The following ZNF83 variants were observed in gnomAD, a reference collection of about 807,000 sequenced individuals.
ZNF83 encodes the protein zinc finger protein 816B.
For missense variants in ZNF83, 552 were observed against 629.9 expected (o/e 0.88, Z 1.32); for synonymous variants, 209 against 213.0 (o/e 0.98, Z 0.17).
At chr19:52,657,938 A>G (rs1357057806) in intron 2 of ZNF83, among the ~76,000 whole-genome samples, 3 of 152,012 alleles carry the variant, frequency 2.0e-5, no homozygotes, top group Non-Finnish European at 4.4e-5. Context: ...GTAGCTCAAG[A>G]CCAGCCTGAT....
intron 2 of ZNF83, among the ~76,000 whole-genome samples, chr19:52,616,014 T>G (rs953892356): frequency 6.6e-6 from 1 of 152,150 alleles, no homozygotes; most frequent in African/African-American, 2.4e-5. Flanking sequence ...AACTTTTGTA[T>G]TTTAATAGAG....
At chr19:52,639,647 A>T (rs897179342), upstream of ZNF83, among the ~76,000 whole-genome samples, 1 of 151,730 alleles carries the variant, frequency 6.6e-6, no homozygotes, top group Non-Finnish European at 1.5e-5. Flanking sequence ...CGAACTTCTG[A>T]CTTCAAGTGA....
At chr19:52,649,455 T>A (rs1227953011) in intron 3 of ZNF83, among the ~76,000 whole-genome samples, 8 of 152,154 alleles carry the variant, frequency 5.3e-5, no homozygotes, top group Non-Finnish European at 1.2e-4. Context: ...CGTAAATACC[T>A]ATCCAGCCAA....
chr19:52,671,996 G>A (rs1250805497), intron 1 of ZNF83, among the ~76,000 whole-genome samples: 3 of 152,128 alleles, frequency 2.0e-5, no homozygotes, highest in South Asian at 4.1e-4. Context: ...ACTTTGGGAG[G>A]TCGAGGCAGG....
At chr19:52,619,034 A>G (rs777205427) in intron 2 of ZNF83, 24 of 1,608,756 alleles carry the variant, frequency 1.5e-5, no homozygotes, top group East Asian at 4.5e-5. Context: ...AGAGAATTCT[A>G]TGGCCACATC....
intron 1 of ZNF83, among the ~76,000 whole-genome samples, chr19:52,685,400 A>T (rs928830186): frequency 7.9e-5 from 12 of 152,114 alleles, no homozygotes; most frequent in African/African-American, 2.7e-4. Flanking sequence ...AAAATTACAG[A>T]AGCATCTTTC....
chr19:52,646,899 G>A (rs547655404), intron 3 of ZNF83, among the ~76,000 whole-genome samples: 1 of 152,336 alleles, frequency 6.6e-6, no homozygotes, highest in Non-Finnish European at 1.5e-5. Context: ...CAAGGCAGCA[G>A]TTATGGTATA....
At chr19:52,631,147 C>T (rs185217263) in intron 2 of ZNF83, among the ~76,000 whole-genome samples, 3 of 147,522 alleles carry the variant, frequency 2.0e-5, no homozygotes, top group African/African-American at 7.5e-5. Context: ...CAAGGCTTCA[C>T]AGACAGCCCC....
exon 3 of ZNF83, chr19:52,614,067 C>T: frequency 6.2e-7 from 1 of 1,611,606 alleles, no homozygotes; most frequent in Non-Finnish European, 8.5e-7. Context: ...TCCTGCGATG[C>T]TGTGCAAGGT....
At chr19:52,619,938 T>C (rs1490909560) in intron 2 of ZNF83, among the ~76,000 whole-genome samples, 3 of 152,080 alleles carry the variant, frequency 2.0e-5, no homozygotes, top group Admixed American at 6.5e-5. Flanking sequence ...TGGTTCCAAC[T>C]ACTTGGGAGG....
intron 1 of ZNF83, among the ~76,000 whole-genome samples, chr19:52,662,874 C>A (rs922311167): frequency 2.6e-5 from 4 of 151,978 alleles, no homozygotes; most frequent in African/African-American, 9.7e-5. Context: ...TAGAAAATTG[C>A]AGGATGGGCC....
intron 2 of ZNF83, among the ~76,000 whole-genome samples, chr19:52,660,097 A>G (rs2061559486): frequency 6.6e-6 from 1 of 152,138 alleles, no homozygotes; most frequent in African/African-American, 2.4e-5. Flanking sequence ...AGGCTGAGGC[A>G]GGAGAATTGC....
intron 2 of ZNF83, among the ~76,000 whole-genome samples, chr19:52,625,277 A>G (rs565337599): frequency 3.7e-4 from 56 of 152,234 alleles, no homozygotes; most frequent in African/African-American, 1.3e-3. Flanking sequence ...GACTCAAAAT[A>G]TACCTTCCAT....
chr19:52,656,137 C>G (rs2061500962), intron 2 of ZNF83, among the ~76,000 whole-genome samples: 2 of 152,066 alleles, frequency 1.3e-5, no homozygotes, highest in Admixed American at 1.3e-4. Flanking sequence ...AGCTTGAGCT[C>G]CAGAGGCAAA....
intron 1 of ZNF83, among the ~76,000 whole-genome samples, chr19:52,666,286 G>A (rs2061652178): frequency 6.6e-6 from 1 of 151,792 alleles, no homozygotes; most frequent in South Asian, 2.1e-4. Flanking sequence ...GAGAGAGAGA[G>A]TAGTAGTAGA....
intron 3 of ZNF83, among the ~76,000 whole-genome samples, chr19:52,648,905 G>A (rs1213306915): frequency 6.6e-6 from 1 of 152,140 alleles, no homozygotes; most frequent in East Asian, 1.9e-4. Context: ...TCTATGCATG[G>A]CTGAAGCTTG....
At chr19:52,628,709 CCTT>C (rs1231139268) in intron 2 of ZNF83, among the ~76,000 whole-genome samples, 8 of 151,964 alleles carry the variant, frequency 5.3e-5, no homozygotes, top group Non-Finnish European at 1.0e-4. Context: ...TGTCTCTACC[CCTT>C]CTTCGCCTTT....
chr19:52,626,939 C>T (rs1009472882), intron 2 of ZNF83, among the ~76,000 whole-genome samples: 1 of 152,132 alleles, frequency 6.6e-6, no homozygotes, highest in Non-Finnish European at 1.5e-5. Flanking sequence ...TCCAGATGGC[C>T]TGAGGCAACC....
intron 1 of ZNF83, among the ~76,000 whole-genome samples, chr19:52,682,403 T>A (rs2061936631): frequency 1.3e-5 from 2 of 151,866 alleles, no homozygotes; most frequent in African/African-American, 4.8e-5. Context: ...CTGGAAGTGG[T>A]GGCTCATGCC....
Sources: allele counts gnomAD v4.1 joint callset (sites outside exome capture counted in the v4.1 genomes callset), GRCh38; gene constraint gnomAD v4.1.1; transcripts MANE v1.5; gene names NCBI Gene and HGNC (gene_info 2026-07-23, HGNC 2026-07-21).